ZC3H10: variants seen among roughly 807,000 people sequenced by gnomAD.
ZC3H10 encodes the protein zinc finger CCCH-type containing 10.
ZC3H10 carries 12 observed loss-of-function variants against 24.3 expected under a neutral mutation model. The ratio of observed to expected loss-of-function variants is 0.49; its 90% CI spans 0.32 to 0.80. The LOEUF is 0.80. Among genes scored for constraint, ZC3H10 ranks in the 30% least tolerant of loss-of-function variants. ZC3H10 has a pLI of 0.04. For synonymous variants in ZC3H10, 226 were observed against 217.0 expected, an observed-to-expected ratio of 1.04 and a Z score of -0.36; for missense variants, 360 against 576.3, an observed-to-expected ratio of 0.62 and a Z score of 3.84.
In ZC3H10 at chr12:56,123,424, T is replaced by A. The variant is rs1354698685; in HGVS notation, c.*1557T>A. The A allele has an allele frequency of 3.6e-5, 5 of 139,126 alleles. No homozygotes were observed. The highest frequency in any genetic ancestry group is 1.0e-4 in the African/African-American group (4 of 38,246). The allele number at this position is 139,126 out of a possible 1,614,324, so 8.6% of individuals were successfully genotyped here. ...AAGCTTAATGTTTTTTGGGACACAA[T>A]TTTTTTTTTTTTTTTTGAGATGGAG... is the stretch of plus-strand genomic sequence containing the variant. On this transcript the variant is annotated 3_prime_UTR_variant, in exon 3 of 3. Transcript: ENST00000257940.
rs1295387276 is a variant in ZC3H10 at position 56,126,617 on chromosome 12, C to A, written c.*4750C>A. The A allele has an allele frequency of 6.6e-6, 1 of 152,142 alleles. No homozygotes were observed. Among genetic ancestry groups the A allele is most frequent in the African/African-American group, 2.4e-5 (1 of 41,412 alleles). 9.4% of individuals were successfully genotyped at this position (152,142 alleles called of 1,614,324 possible). On this transcript the variant is annotated 3_prime_UTR_variant, in exon 3 of 3. Coordinates refer to ENST00000257940, the MANE Select transcript of ZC3H10 (RefSeq NM_032786.3). ...GCCTACTCCAGTGCTTGGCAAATTT[C>A]AGTTTATAGAGAGGTTTCTCTCTAA...
In ZC3H10 at chr12:56,122,152, CTT is replaced by C; in HGVS notation, c.*286_*287del. 2.3e-6 allele frequency: 1 copy of C among 443,406 alleles called. No homozygotes were observed. Among genetic ancestry groups the C allele is most frequent in the Non-Finnish European group, 4.2e-6 (1 of 240,604 alleles). The allele number at this position is 443,406 out of a possible 1,614,324, so 27.5% of individuals were successfully genotyped here. ...AGGACTGACTGAGGGGCTGTGTCCTCTTATGGGAATTTGGGAACATCCCTCGT... is the reference window on the plus strand; with the variant it reads ...AGGACTGACTGAGGGGCTGTGTCCTCATGGGAATTTGGGAACATCCCTCGT... On this transcript the variant is annotated 3_prime_UTR_variant, in exon 3 of 3. Transcript: ENST00000257940.
In ZC3H10 at chr12:56,123,955, G is replaced by C. The variant is rs766579483; in HGVS notation, c.*2088G>C. On this transcript the variant is annotated 3_prime_UTR_variant, in exon 3 of 3. Transcript: ENST00000257940. ...TTGGGTTTAATGCTCATTGCAGTGA[G>C]GGGGAGGGCTCACCATTGGGGATAA... 1.3e-5 allele frequency: 2 copies of C among 152,120 alleles called. No individual in the cohort carries two copies. The highest frequency in any genetic ancestry group is 2.9e-5 in the Non-Finnish European group (2 of 68,024). The allele number at this position is 152,120 out of a possible 1,614,324, so 9.4% of individuals were successfully genotyped here. A position where few individuals can be genotyped will look rare whatever the true frequency, so the allele number is the denominator to read the frequency against.
At chr12:56,120,304 C>T in intron 2 of ZC3H10, 1 of 985,468 alleles carries the variant, frequency 1.0e-6, no homozygotes, top group South Asian at 4.7e-5. Context: ...CTCCGTTAGC[C>T]AGGCAAGTGT....
chr12:56,120,982 C>T lies in ZC3H10; in HGVS notation c.420C>T (p.Cys140=). Residue 140 remains cysteine (C), a synonymous_variant, in exon 3 of 3, where the codon TGC becomes TGT. Transcript: ENST00000257940. ...LPNGKEEVPI[C]RDFLKGDCQR... ...ATGGCAAGGAGGAGGTCCCTATCTG[C>T]CGTGACTTTCTCAAGGGTGACTGTC... is the stretch of plus-strand genomic sequence containing the variant. 1 of 1,614,146 alleles carries T rather than the reference C, an allele frequency of 6.2e-7. No individual in the cohort carries two copies. The highest frequency in any genetic ancestry group is 1.7e-5 in the Admixed American group (1 of 60,012).
rs1005143059 is a variant in ZC3H10, at chr12:56,125,045, TTAG to T, written c.*3183_*3185del. On this transcript the variant is annotated 3_prime_UTR_variant, in exon 3 of 3. Transcript: ENST00000257940. The stretch of plus-strand genomic sequence containing the variant: ...CTATGTTCTGCCTAAGTGTAACCAC[TTAG>T]TAGTGTGTTGTTCTAAATGTAATTT... The T allele has an allele frequency of 2.0e-5, 3 of 152,134 alleles. No individual in the cohort carries two copies. The highest frequency in any genetic ancestry group is 6.5e-5 in the Admixed American group (1 of 15,268). The allele number at this position is 152,134 out of a possible 1,614,324, so 9.4% of individuals were successfully genotyped here. A position where few individuals can be genotyped will look rare whatever the true frequency, so the allele number is the denominator to read the frequency against.
In ZC3H10 at chr12:56,121,270, G is replaced by T; in HGVS notation, c.708G>T (p.Glu236Asp). Residue 236 changes from glutamate (E) to aspartate (D), a missense_variant, in exon 3 of 3, where the codon GAG becomes GAT. Physicochemically the swap from Glu to Asp is conservative, Grantham distance 45. Transcript: ENST00000257940. The surrounding 1 kb of genome is among the most constrained non-coding windows in gnomAD (Gnocchi z 6.2). Reference protein sequence around the residue: ...EYSLAPPRGVECRLLEEENAM... With the variant: ...EYSLAPPRGVDCRLLEEENAM... ...GTTTGGCTCCACCGCGAGGGGTGGAGTGCAGACTGCTAGAGGAGGAGAATG... is the reference window on the plus strand; with the variant it reads ...GTTTGGCTCCACCGCGAGGGGTGGATTGCAGACTGCTAGAGGAGGAGAATG... 1 of 1,613,418 alleles carries T rather than the reference G, an allele frequency of 6.2e-7. No homozygotes were observed. Among genetic ancestry groups the T allele is most frequent in the Non-Finnish European group, 8.5e-7 (1 of 1,180,018 alleles).
At position 56,119,072 on chromosome 12, in the gene ZC3H10, T is replaced by C. The variant is rs375935758; in HGVS notation, c.-116-16T>C. On this transcript the variant is annotated splice_polypyrimidine_tract_variant and intron_variant, in intron 1 of 2. Transcript: ENST00000257940. The stretch of plus-strand genomic sequence containing the variant: ...ACTCCTTCTTCCACCCAAGTCTCTG[T>C]TTTTTTCCTGCTCAGAACCCAGCAG... 1 of 152,660 alleles carries C rather than the reference T, an allele frequency of 6.6e-6. No individual in the cohort carries two copies. Among genetic ancestry groups the C allele is most frequent in the South Asian group, 2.1e-4 (1 of 4,826 alleles). The allele number at this position is 152,660 out of a possible 1,614,324, so 9.5% of individuals were successfully genotyped here.
Position 56,120,589 on chromosome 12 carries a change from C to T in ZC3H10, c.27C>T (p.Asn9=), listed in dbSNP as rs1302973212. 7 of 1,561,934 alleles carry T rather than the reference C, an allele frequency of 4.5e-6. No individual in the cohort carries two copies. The highest frequency in any genetic ancestry group is 2.2e-5 in the East Asian group (1 of 44,524). Residue 9 remains asparagine, a synonymous_variant, in exon 3 of 3, where the codon AAC becomes AAT. Coordinates refer to ENST00000257940, the MANE Select transcript of ZC3H10 (RefSeq NM_032786.3). MPDRDSYA[N]GTGSSGGGPG... is the part of the protein sequence containing the mutation. ...TGCCTGACCGGGACAGCTATGCCAA[C>T]GGTACCGGGAGCAGCGGTGGAGGCC...
Position 56,125,149 on chromosome 12 carries a change from T to G in ZC3H10, c.*3282T>G, listed in dbSNP as rs765900366. The G allele has an allele frequency of 2.6e-5, 4 of 152,114 alleles. No individual in the cohort carries two copies. Among genetic ancestry groups the G allele is most frequent in the Non-Finnish European group, 4.4e-5 (3 of 68,022 alleles). The allele number at this position is 152,114 out of a possible 1,614,324, so 9.4% of individuals were successfully genotyped here. The stretch of plus-strand genomic sequence containing the variant: ...CAAGAGAAAGCTTCAAATAGAAGTC[T>G]TCAAATATTTGAAGGGCTGCCCAGT... On this transcript the variant is annotated 3_prime_UTR_variant, in exon 3 of 3. Coordinates refer to ENST00000257940, the MANE Select transcript of ZC3H10 (RefSeq NM_032786.3).
At position 56,120,665 on chromosome 12, in the gene ZC3H10, G is replaced by T. The variant is rs202024593; in HGVS notation, c.103G>T (p.Gly35Trp). The change falls in exon 3 of 3, where the codon GGG (glycine) becomes TGG (tryptophan). Residue 35 changes from glycine to tryptophan, a missense_variant. Physicochemically the swap from Gly to Trp is radical, Grantham distance 184. Transcript: ENST00000257940. ...CAGTGGGGCAGGGGTAGGCAGTGGC[G>T]GGGCCAGCTCAGATGCCATCTGTAG... ...EASGAGVGSG[G>W]ASSDAICRDF... 4.1e-5 allele frequency: 65 copies of T among 1,596,012 alleles called. No individual in the cohort carries two copies. Among genetic ancestry groups the T allele is most frequent in the Non-Finnish European group, 5.3e-5 (62 of 1,171,798 alleles).
In ZC3H10 at chr12:56,121,621, C is replaced by T. The variant is rs534755505; in HGVS notation, c.1059C>T (p.Pro353=). ...TNAAPPAAPP[P]PPPHLTPEIT... ...CTGCACCTCCTGCTGCTCCACCACC[C>T]CCACCCCCACACTTGACCCCAGAGA... is the stretch of plus-strand genomic sequence containing the variant. Residue 353 remains proline, a synonymous_variant, in exon 3 of 3, where the codon CCC becomes CCT. Transcript: ENST00000257940. The surrounding 1 kb of genome is among the most constrained non-coding windows in gnomAD (Gnocchi z 6.2). 3.1e-6 allele frequency: 5 copies of T among 1,613,122 alleles called. No homozygotes were observed. In the African/African-American group the frequency reaches 6.7e-5, roughly 22 times the overall value.
chr12:56,119,861 C>G (rs1869757576), intron 2 of ZC3H10: 1 of 152,066 alleles, frequency 6.6e-6, no homozygotes, highest in Non-Finnish European at 1.5e-5. Context: ...ATGGTTTGTC[C>G]TAGGAAATCT....
Position 56,126,197 on chromosome 12 carries a change from C to T in ZC3H10, c.*4330C>T. Reference sequence around the variant, plus strand: ...TCAGAGTACCGTATCTCACCCTCTGCCTCTTGGAGGTGATTATGGTTTACA... The same window carrying T: ...TCAGAGTACCGTATCTCACCCTCTGTCTCTTGGAGGTGATTATGGTTTACA... On this transcript the variant is annotated 3_prime_UTR_variant, in exon 3 of 3. Transcript: ENST00000257940. 1 of 152,356 alleles carries T rather than the reference C, an allele frequency of 6.6e-6. No homozygotes were observed. Among genetic ancestry groups the T allele is most frequent in the South Asian group, 2.1e-4 (1 of 4,824 alleles). The allele number at this position is 152,356 out of a possible 1,614,324, so 9.4% of individuals were successfully genotyped here. A position where few individuals can be genotyped will look rare whatever the true frequency, so the allele number is the denominator to read the frequency against.
Position 56,121,972 on chromosome 12 carries a change from A to C in ZC3H10, c.*105A>C. On this transcript the variant is annotated 3_prime_UTR_variant, in exon 3 of 3. Transcript: ENST00000257940. This position sits in a 1 kb window ranked among gnomAD's most constrained non-coding sequence, Gnocchi z 6.2. ...CATCCCTGTCTGAAGGGCTCCCTTG[A>C]GAACTAGGACAAGAGACTACAAGGA... 7.5e-7 allele frequency: 1 copy of C among 1,336,290 alleles called. No homozygotes were observed. The highest frequency in any genetic ancestry group is 1.0e-6 in the Non-Finnish European group (1 of 989,362). The allele number at this position is 1,336,290 out of a possible 1,614,324, so 82.8% of individuals were successfully genotyped here.
rs777088253 is a variant in ZC3H10, at chr12:56,120,900, C to T, written c.338C>T (p.Pro113Leu). ...TATAAGAAGACAGGAGAGCTTCCCC[C>T]ACGGCTGAGGCAGAAAGTAGCAGCT... ...DGYKKTGELP[P>L]RLRQKVAAGL... Residue 113 changes from proline (P) to leucine (L), a missense_variant, in exon 3 of 3, where the codon CCA becomes CTA. By Grantham distance (98) the Pro-to-Leu change is moderately conservative. Transcript: ENST00000257940. 6.2e-6 allele frequency: 10 copies of T among 1,614,046 alleles called. No individual in the cohort carries two copies. Among genetic ancestry groups the T allele is most frequent in the Admixed American group, 1.7e-5 (1 of 59,996 alleles).
In ZC3H10 at chr12:56,123,247, C is replaced by A. The variant is rs891412238; in HGVS notation, c.*1380C>A. ...TGGATTGTGTTCCCCCTCATCATGT[C>A]TCCTGCTACCTCTTGCTTTCTTGTC... On this transcript the variant is annotated 3_prime_UTR_variant, in exon 3 of 3. Transcript: ENST00000257940. 3.3e-5 allele frequency: 5 copies of A among 151,854 alleles called. No homozygotes were observed. The highest frequency in any genetic ancestry group is 6.6e-5 in the Admixed American group (1 of 15,232). The allele number at this position is 151,854 out of a possible 1,614,324, so 9.4% of individuals were successfully genotyped here. A position where few individuals can be genotyped will look rare whatever the true frequency, so the allele number is the denominator to read the frequency against.
rs774602778 is a variant in ZC3H10 at position 56,121,087 on chromosome 12, G to A, written c.525G>A (p.Gly175=). The A allele has an allele frequency of 6.8e-6, 11 of 1,614,042 alleles. No individual in the cohort carries two copies. The highest frequency in any genetic ancestry group is 9.3e-6 in the Non-Finnish European group (11 of 1,180,044). Reference sequence around the variant, plus strand: ...CTCGGGGTGGAGGAGGCACTGGTGGGGGCTCAACAGGCTCAGTCCTCCCAG... The same window carrying A: ...CTCGGGGTGGAGGAGGCACTGGTGGAGGCTCAACAGGCTCAGTCCTCCCAG... ...FDARGGGGTG[G]GSTGSVLPGR... Residue 175 remains glycine (G), a synonymous_variant, in exon 3 of 3, where the codon GGG becomes GGA. Transcript: ENST00000257940. The surrounding 1 kb of genome is among the most constrained non-coding windows in gnomAD (Gnocchi z 6.2).
At chr12:56,120,262 T>C (rs1162146733) in intron 2 of ZC3H10, 2 of 985,312 alleles carry the variant, frequency 2.0e-6, no homozygotes, top group Non-Finnish European at 2.4e-6. Context: ...CCAACACTAT[T>C]TTTTCCCTGC....
Sources: gnomAD v4.1 joint callset for allele counts on GRCh38, gnomAD v4.1.1 for gene constraint, Gnocchi (gnomAD v3.1) non-coding constraint, MANE v1.5 for transcripts, NCBI Gene and HGNC (gene_info 2026-07-23, HGNC 2026-07-21) for gene names.